RAD51B: variants seen among roughly 807,000 people sequenced by gnomAD.
RAD51B encodes the protein RAD51 paralog B.
A neutral mutation model predicts 42.2 loss-of-function variants in RAD51B; 38 were observed. That is an observed-to-expected ratio of 0.90 (90% CI 0.70 to 1.18). The LOEUF (loss-of-function observed/expected upper bound fraction) is 1.18, where lower values mean the gene tolerates loss of function less well. Ranked by LOEUF, RAD51B falls within the 50% of genes most tolerant of loss-of-function variation. RAD51B has a pLI of 0.00. For synonymous variants in RAD51B, 154 were observed against 145.2 expected (o/e 1.06, Z -0.43); for missense variants, 373 against 400.7 (o/e 0.93, Z 0.59).
In RAD51B at chr14:68,505,410, G is replaced by A. The variant is rs72727489; in HGVS notation, c.1036+37160G>A. Among the ~76,000 whole-genome samples the A allele has an allele frequency of 7.9e-3, 1,202 of 152,242 alleles. 9 individuals carry two copies. Among genetic ancestry groups the A allele is most frequent in the Non-Finnish European group, 0.013 (910 of 68,014 alleles). ...CCAGTCCCTTGCCACAGTTCAGTGG[G>A]GCACAGTGAGAAATCTGTCAGCTGC... On this transcript the variant is annotated intron_variant, in intron 10 of 10. Coordinates refer to the RAD51B transcript ENST00000487270.
chr14:68,671,708 C>A (rs113173093), intron 11 of RAD51B, among the ~76,000 whole-genome samples: 3,578 of 152,160 alleles, frequency 0.024, 72 homozygotes, highest in Non-Finnish European at 0.036. Context: ...TTTAATGAAT[C>A]TGTGTGTCCC....
At chr14:68,353,078 T>C (rs2082823381) in intron 8 of RAD51B, among the ~76,000 whole-genome samples, 1 of 152,212 alleles carries the variant, frequency 6.6e-6, no homozygotes, top group East Asian at 1.9e-4. Context: ...AGAAAGCAAG[T>C]TGAAAGCAAA....
intron 8 of RAD51B, among the ~76,000 whole-genome samples, chr14:68,303,832 T>C (rs1210569028): frequency 6.6e-6 from 1 of 152,142 alleles, no homozygotes; most frequent in Admixed American, 6.5e-5. Context: ...TCTATAACTC[T>C]GCTAGGATGT....
intron 10 of RAD51B, among the ~76,000 whole-genome samples, chr14:68,592,214 C>T (rs1890777059): frequency 6.6e-6 from 1 of 151,338 alleles, no homozygotes; most frequent in South Asian, 2.1e-4. Context: ...TTCATTGCAC[C>T]ATAAATGTGA....
intron 8 of RAD51B, among the ~76,000 whole-genome samples, chr14:68,369,060 G>A (rs1031355402): frequency 6.6e-6 from 1 of 152,196 alleles, no homozygotes; most frequent in Admixed American, 6.5e-5. Flanking sequence ...TCTCTTGGCT[G>A]TAGAGTACCC....
At position 68,411,474 on chromosome 14, in the gene RAD51B, C is replaced by G; in HGVS notation, c.904C>G (p.His302Asp). 1 of 1,614,144 alleles carries G rather than the reference C, an allele frequency of 6.2e-7. No homozygotes were observed. The highest frequency in any genetic ancestry group is 8.5e-7 in the Non-Finnish European group (1 of 1,180,012). Reference sequence around the variant, plus strand: ...AGCCGCACTAGGAAATACCTGGAGTCACAGTGTGAATACCCGGCTGATCCT... The same window carrying G: ...AGCCGCACTAGGAAATACCTGGAGTGACAGTGTGAATACCCGGCTGATCCT... ...VIAALGNTWS[H>D]SVNTRLILQY... Residue 302 changes from histidine (H) to aspartate (D), a missense_variant, in exon 9 of 11, where the codon CAC becomes GAC. Transcript: ENST00000471583.
chr14:68,539,208 C>A (rs964930614), intron 10 of RAD51B, among the ~76,000 whole-genome samples: 1 of 152,152 alleles, frequency 6.6e-6, no homozygotes, highest in Non-Finnish European at 1.5e-5. Context: ...AACTGGAAAC[C>A]CAGTGCAATG....
intron 7 of RAD51B, among the ~76,000 whole-genome samples, chr14:68,065,908 A>G (rs1476960292): frequency 6.6e-6 from 1 of 151,896 alleles, no homozygotes; most frequent in Admixed American, 6.6e-5. Flanking sequence ...AAATGATACA[A>G]CTTTACTGGA....
chr14:68,096,125 T>A (rs1260221609), intron 7 of RAD51B, among the ~76,000 whole-genome samples: 1 of 152,198 alleles, frequency 6.6e-6, no homozygotes. Flanking sequence ...ATATTTTTCA[T>A]GGATATTCTA....
At chr14:67,851,898 G>A (rs1389365294) in intron 4 of RAD51B, among the ~76,000 whole-genome samples, 1 of 152,016 alleles carries the variant, frequency 6.6e-6, no homozygotes, top group African/African-American at 2.4e-5. Flanking sequence ...AAGTCAGGAG[G>A]CCCTGCCCTG....
At position 68,071,064 on chromosome 14, in the gene RAD51B, T is replaced by C. The variant is rs150804473; in HGVS notation, c.756+183860T>C. On this transcript the variant is annotated intron_variant, in intron 7 of 10. Transcript: ENST00000471583. ...GGCTGTTGTGAATGGGATTGCTTTC[T>C]TGATTTGGCTCTCAGCTTGGATATT... Among the ~76,000 whole-genome samples, 1,238 of 152,260 alleles carry C rather than the reference T, an allele frequency of 8.1e-3. 7 individuals are homozygous for C. Among genetic ancestry groups the C allele is most frequent in the Non-Finnish European group, 0.013 (875 of 67,990 alleles).
Position 68,521,106 on chromosome 14 carries a change from A to C in RAD51B, c.1036+52856A>C, listed in dbSNP as rs576829826. ...AGTGGTGACTCAAGCCCGCACCTGGATGAGGTCATAGGGATGGAATGTCTG... is the reference window on the plus strand; with the variant it reads ...AGTGGTGACTCAAGCCCGCACCTGGCTGAGGTCATAGGGATGGAATGTCTG... On this transcript the variant is annotated intron_variant, in intron 10 of 10. Coordinates refer to the RAD51B transcript ENST00000487270. Among the ~76,000 whole-genome samples, 9 of 152,290 alleles carry C rather than the reference A, an allele frequency of 5.9e-5. No individual in the cohort carries two copies. In the East Asian group the frequency reaches 1.3e-3, roughly 23 times the overall value.
chr14:68,206,932 G>A (rs1366761551), intron 7 of RAD51B, among the ~76,000 whole-genome samples: 1 of 152,060 alleles, frequency 6.6e-6, no homozygotes. Context: ...TGGGACTACA[G>A]GCGCCCGCCA....
intron 10 of RAD51B, among the ~76,000 whole-genome samples, chr14:68,618,183 A>G (rs559638669): frequency 4.6e-5 from 7 of 152,332 alleles, no homozygotes; most frequent in African/African-American, 1.4e-4. Flanking sequence ...GTGGCTGGCT[A>G]TCTTACATTT....
At chr14:68,342,086 C>T (rs148958976) in intron 8 of RAD51B, among the ~76,000 whole-genome samples, 189 of 152,270 alleles carry the variant, frequency 1.2e-3, no homozygotes, top group Non-Finnish European at 2.2e-3. Flanking sequence ...ATATAATTTG[C>T]TTACCCCTTG....
At chr14:67,910,538 G>T (rs147073983) in intron 7 of RAD51B, among the ~76,000 whole-genome samples, 1 of 148,606 alleles carries the variant, frequency 6.7e-6, no homozygotes, top group Non-Finnish European at 1.5e-5. Context: ...ATTCCACTTT[G>T]CAGTTTGATA....
intron 7 of RAD51B, among the ~76,000 whole-genome samples, chr14:68,052,504 AT>A (rs912793067): frequency 6.6e-6 from 1 of 151,892 alleles, no homozygotes; most frequent in African/African-American, 2.4e-5. Flanking sequence ...TCCTCTAGTC[AT>A]TCTTTCCTTA....
intron 10 of RAD51B, among the ~76,000 whole-genome samples, chr14:68,630,710 C>T (rs1370314430): frequency 4.6e-5 from 6 of 129,508 alleles, no homozygotes; most frequent in Admixed American, 1.5e-4. Flanking sequence ...GTAACTTCTA[C>T]GGGCACATCC....
chr14:68,356,181 C>T (rs534654891), intron 8 of RAD51B, among the ~76,000 whole-genome samples: 2 of 152,156 alleles, frequency 1.3e-5, no homozygotes, highest in African/African-American at 2.4e-5. Context: ...GCCTGTAATC[C>T]CAGCACTTTG....
Sources: gnomAD v4.1 joint callset for allele counts (sites outside exome capture counted in the v4.1 genomes callset) on GRCh38, gnomAD v4.1.1 for gene constraint, MANE v1.5 for transcripts, NCBI Gene and HGNC (gene_info 2026-07-23, HGNC 2026-07-21) for gene names.